Variants in ASIC1 observed in about 807,000 individuals in gnomAD.
ASIC1 encodes the protein acid sensing ion channel subunit 1.
In ASIC1, 21 loss-of-function variants were observed where a neutral mutation model predicts 63.4. That is an observed-to-expected ratio of 0.33 (90% CI 0.23 to 0.48). The LOEUF (loss-of-function observed/expected upper bound fraction) is 0.48. ASIC1 is among the 20% of genes least tolerant of loss of function. The probability of loss-of-function intolerance (pLI) is 0.99; values close to 1 mark genes in which losing one functional copy is unlikely to be tolerated. For missense variants in ASIC1, 478 were observed against 695.5 expected (o/e 0.69, Z 3.52); for synonymous variants, 258 against 278.2 (o/e 0.93, Z 0.72).
intron 3 of ASIC1, among the ~76,000 whole-genome samples, chr12:50,060,803 G>T (rs1565724385): frequency 6.6e-6 from 1 of 152,188 alleles, no homozygotes; most frequent in African/African-American, 2.4e-5. Flanking sequence ...GGACCCAGAT[G>T]GCAAAGAGAC....
Position 50,082,455 on chromosome 12 carries a change from G to T in ASIC1, c.*806G>T, listed in dbSNP as rs1260797475. The stretch of plus-strand genomic sequence containing the variant: ...CCCTCTCCCGGAGGCCCTTGTAGAG[G>T]GCCACGTCCATAAATTTTCTTATGG... On this transcript the variant is annotated 3_prime_UTR_variant, in exon 12 of 12. Coordinates refer to ENST00000447966, the MANE Select transcript of ASIC1 (RefSeq NM_001095.4). 12 of 152,260 alleles carry T rather than the reference G, an allele frequency of 7.9e-5. No homozygotes were observed. 9.4% of individuals were successfully genotyped at this position (152,260 alleles called of 1,614,324 possible). A position where few individuals can be genotyped will look rare whatever the true frequency, so the allele number is the denominator to read the frequency against.
Position 50,077,198 on chromosome 12 carries a change from C to T in ASIC1, c.559-15C>T, listed in dbSNP as rs1177603613. The T allele has an allele frequency of 5.0e-6, 8 of 1,604,002 alleles. No individual in the cohort carries two copies. The Admixed American group carries it at 8.4e-5, about 17-fold the overall frequency. On this transcript the variant is annotated splice_polypyrimidine_tract_variant and intron_variant, in intron 3 of 11. Transcript: ENST00000447966. ...GCTGGCAGGACTCTTAGGCTCTCCA[C>T]TCTGCCCTCGCCAGGTCTTCACACG... is the stretch of plus-strand genomic sequence containing the variant.
At position 50,059,638 on chromosome 12, in the gene ASIC1, C is replaced by T. The variant is rs987853674; in HGVS notation, c.363-121C>T. The T allele has an allele frequency of 1.4e-4, 144 of 1,040,246 alleles. No homozygotes were observed. Among genetic ancestry groups the T allele is most frequent in the Admixed American group, 3.5e-4 (14 of 40,568 alleles). 64.4% of individuals were successfully genotyped at this position (1,040,246 alleles called of 1,614,324 possible). A position where few individuals can be genotyped will look rare whatever the true frequency, so the allele number is the denominator to read the frequency against. ...TGGTAGAGCCTCTGCATGCCCAGCT[C>T]TCCTTCCTTGCCTACACCTGGGACT... On this transcript the variant is annotated intron_variant, in intron 2 of 11. Transcript: ENST00000447966. This position sits in a 1 kb window ranked among gnomAD's most constrained non-coding sequence, Gnocchi z 4.6.
At chr12:50,067,771 G>C (rs1465061728) in intron 3 of ASIC1, among the ~76,000 whole-genome samples, 3 of 151,920 alleles carry the variant, frequency 2.0e-5, no homozygotes, top group African/African-American at 7.3e-5. Flanking sequence ...TACTCTCTTT[G>C]TTTTCCTCCT....
At chr12:50,070,462 T>A (rs1786583843) in intron 3 of ASIC1, among the ~76,000 whole-genome samples, 1 of 151,788 alleles carries the variant, frequency 6.6e-6, no homozygotes, top group South Asian at 2.1e-4. Flanking sequence ...TGCGTGTCTG[T>A]GTGGTAATGT....
In ASIC1 at chr12:50,078,992, TG is replaced by T; in HGVS notation, c.1051+14del. On this transcript the variant is annotated intron_variant, in intron 7 of 11. Coordinates refer to ENST00000447966, the MANE Select transcript of ASIC1 (RefSeq NM_001095.4). The surrounding 1 kb of genome is among the most constrained non-coding windows in gnomAD (Gnocchi z 6.0). ...AGATCCTGCTCTGGGTGAGCGCCCC[TG>T]GCCTGGGGCAGTCTGGGGGAGGGAA... 6.2e-7 allele frequency: 1 copy of T among 1,612,130 alleles called. No individual in the cohort carries two copies. Among genetic ancestry groups the T allele is most frequent in the African/African-American group, 1.3e-5 (1 of 74,794 alleles).
intron 3 of ASIC1, among the ~76,000 whole-genome samples, chr12:50,066,977 C>T (rs910472246): frequency 5.3e-5 from 8 of 152,160 alleles, no homozygotes; most frequent in African/African-American, 1.9e-4. Context: ...TACAGTTGGT[C>T]GCTCTTTCTC....
chr12:50,065,834 G>A (rs753820019), intron 3 of ASIC1, among the ~76,000 whole-genome samples: 2 of 152,338 alleles, frequency 1.3e-5, no homozygotes, highest in Non-Finnish European at 2.9e-5. Flanking sequence ...GTCTCTAGTT[G>A]GTGTCACACC....
At chr12:50,068,578 C>T (rs1356876499) in intron 3 of ASIC1, among the ~76,000 whole-genome samples, 2 of 152,068 alleles carry the variant, frequency 1.3e-5, no homozygotes, top group Non-Finnish European at 2.9e-5. Context: ...CCAGCTCTCT[C>T]CTCTTAGCAT....
chr12:50,079,006 C>G, intron 7 of ASIC1, 26 bp downstream of exon 7: 4 of 1,610,258 alleles, frequency 2.5e-6, no homozygotes, highest in Non-Finnish European at 3.4e-6. Flanking sequence ...CTGGGGCAGT[C>G]TGGGGGAGGG....
intron 3 of ASIC1, among the ~76,000 whole-genome samples, chr12:50,069,925 A>T (rs1019776950): frequency 1.3e-5 from 2 of 152,184 alleles, no homozygotes; most frequent in African/African-American, 4.8e-5. Context: ...CTAAGACTTG[A>T]ATAGGCTGGT....
chr12:50,064,686 G>A (rs981940761), intron 3 of ASIC1, among the ~76,000 whole-genome samples: 1 of 152,224 alleles, frequency 6.6e-6, no homozygotes, highest in Non-Finnish European at 1.5e-5. Context: ...GTGTCCTGGA[G>A]GCAGAAGGGC....
rs1950479087 is a variant in ASIC1, at chr12:50,059,330, TAGTC to T, written c.362+203_362+206del. On this transcript the variant is annotated intron_variant, in intron 2 of 11. Coordinates refer to ENST00000447966, the MANE Select transcript of ASIC1 (RefSeq NM_001095.4). The surrounding 1 kb of genome is among the most constrained non-coding windows in gnomAD (Gnocchi z 4.6). ...GGGCACCCAGCCTCCGATCCCAGCA[TAGTC>T]CAGAACAGCTCGACCCCCACCCAGC... Among the ~76,000 whole-genome samples, 1 of 150,810 alleles carries T rather than the reference TAGTC, an allele frequency of 6.6e-6. No individual in the cohort carries two copies. Among genetic ancestry groups the T allele is most frequent in the African/African-American group, 2.4e-5 (1 of 41,136 alleles).
rs970088009 is a variant in ASIC1, at chr12:50,078,735, C to A, written c.994+158C>A. ...CTCTGACCTCAGTTCCCGCCTGCAC[C>A]CCCAGGGATGGGTGGGAAGGGTCTA... is the stretch of plus-strand genomic sequence containing the variant. On this transcript the variant is annotated intron_variant, in intron 6 of 11. Transcript: ENST00000447966. The surrounding 1 kb of genome is among the most constrained non-coding windows in gnomAD (Gnocchi z 6.0). The A allele has an allele frequency of 9.5e-6, 13 of 1,361,396 alleles. No individual in the cohort carries two copies. Among genetic ancestry groups the A allele is most frequent in the East Asian group, 2.3e-5 (1 of 43,670 alleles). 84.3% of individuals were successfully genotyped at this position (1,361,396 alleles called of 1,614,324 possible).
chr12:50,081,350 G>C lies in ASIC1; in HGVS notation c.1468G>C (p.Asp490His). ...CAAGGGCGTGGCCCTCAGCCTGGAC[G>C]ACGTCAAAAGACACGTGAGGGAGCG... ...ADKGVALSLD[D>H]VKRHNPCESL... Residue 490 changes from aspartate to histidine, a missense_variant, in exon 11 of 12, where the codon GAC becomes CAC. Transcript: ENST00000447966. 3 of 1,604,416 alleles carry C rather than the reference G, an allele frequency of 1.9e-6. No homozygotes were observed. The highest frequency in any genetic ancestry group is 1.7e-6 in the Non-Finnish European group (2 of 1,175,606).
intron 7 of ASIC1, 79 bp from the exon 8 acceptor site, chr12:50,079,823 C>A: frequency 1.4e-6 from 2 of 1,480,304 alleles, no homozygotes; most frequent in Non-Finnish European, 1.8e-6. Context: ...TTTCTCTGGG[C>A]AGAGCTAGGA....
Position 50,059,205 on chromosome 12 carries a change from C to A in ASIC1, c.362+77C>A. On this transcript the variant is annotated intron_variant, in intron 2 of 11. Coordinates refer to ENST00000447966, the MANE Select transcript of ASIC1 (RefSeq NM_001095.4). This position sits in a 1 kb window ranked among gnomAD's most constrained non-coding sequence, Gnocchi z 4.6. ...CAGTCAGGATGTCTGCCTCCCTGAC[C>A]CACCATAGAGCCCAGCCAACCCTGC... 1 of 1,554,990 alleles carries A rather than the reference C, an allele frequency of 6.4e-7. No homozygotes were observed. Among genetic ancestry groups the A allele is most frequent in the Non-Finnish European group, 8.7e-7 (1 of 1,153,042 alleles).
chr12:50,080,367 A>G, intron 8 of ASIC1, 131 bp from the exon 9 acceptor site: 1 of 910,654 alleles, frequency 1.1e-6, no homozygotes, highest in Non-Finnish European at 1.7e-6. Flanking sequence ...AAAGGCAGGT[A>G]TCTCCATCAG....
In ASIC1 at chr12:50,078,340, C is replaced by A; in HGVS notation, c.838-81C>A. 1 of 1,572,902 alleles carries A rather than the reference C, an allele frequency of 6.4e-7. No homozygotes were observed. Among genetic ancestry groups the A allele is most frequent in the Non-Finnish European group, 8.7e-7 (1 of 1,154,070 alleles). On this transcript the variant is annotated intron_variant, in intron 5 of 11. Coordinates refer to ENST00000447966, the MANE Select transcript of ASIC1 (RefSeq NM_001095.4). This position sits in a 1 kb window ranked among gnomAD's most constrained non-coding sequence, Gnocchi z 6.0. The stretch of plus-strand genomic sequence containing the variant: ...GAGAGGGGAGCAGAACTCCAGAGAT[C>A]TGCATCTTGTCAGAGGAGTCCATCA...
Sources: gnomAD v4.1 joint callset for allele counts (sites outside exome capture counted in the v4.1 genomes callset) on GRCh38, gnomAD v4.1.1 for gene constraint, Gnocchi (gnomAD v3.1) non-coding constraint, MANE v1.5 for transcripts, NCBI Gene and HGNC (gene_info 2026-07-23, HGNC 2026-07-21) for gene names.